Variants in RBFOX1 observed in about 807,000 individuals in gnomAD.
The protein encoded by RBFOX1 is RNA binding protein fox-1 homolog 1.
In RBFOX1, 8 loss-of-function variants were observed where a neutral mutation model predicts 57.7. That is an observed-to-expected ratio of 0.14 (90% CI 0.08 to 0.25). The LOEUF is 0.25. Among genes scored for constraint, RBFOX1 ranks in the 10% least tolerant of loss-of-function variants. The pLI is 1.00. For missense variants in RBFOX1, 611 were observed against 548.5 expected (o/e 1.11, Z -1.14); for synonymous variants, 326 against 222.4 (o/e 1.47, Z -4.15).
chr16:5,709,852 T>TA lies in RBFOX1; in HGVS notation c.318+110891_318+110892insA, dbSNP rs1567430606. On this transcript the variant is annotated intron_variant, in intron 3 of 19. Coordinates refer to the RBFOX1 transcript ENST00000641259. Reference sequence around the variant, plus strand: ...ATATATATATATATATATTTTTTTTTTTTTTTTTTTTTTTTTTTTTTTTTT... The same window carrying TA: ...ATATATATATATATATATTTTTTTTTATTTTTTTTTTTTTTTTTTTTTTTTT... Among the ~76,000 whole-genome samples, 6 of 20,712 alleles carry TA rather than the reference T, an allele frequency of 2.9e-4. 1 individual carries two copies. Among genetic ancestry groups the TA allele is most frequent in the Admixed American group, 1.8e-3 (2 of 1,086 alleles). 13.6% of individuals were successfully genotyped at this position (20,712 alleles called of 152,430 possible).
chr16:6,729,853 A>T (rs2068095517), intron 3 of RBFOX1, among the ~76,000 whole-genome samples: 1 of 152,064 alleles, frequency 6.6e-6, no homozygotes, highest in Admixed American at 6.6e-5. Flanking sequence ...GGACAAATGG[A>T]GTTTGGAAGA....
chr16:5,723,097 C>T lies in RBFOX1; in HGVS notation c.318+124136C>T, dbSNP rs571595456. 6.2e-4 allele frequency among the ~76,000 whole-genome samples: 94 copies of T among 152,296 alleles called. No individual in the cohort carries two copies. In the South Asian group the frequency reaches 0.018, roughly 29 times the overall value. ...TAATTCACAAGTGATGCAGGTTTGCCATTATCTTCCTTTTACCTCAGAGTC... is the reference window on the plus strand; with the variant it reads ...TAATTCACAAGTGATGCAGGTTTGCTATTATCTTCCTTTTACCTCAGAGTC... On this transcript the variant is annotated intron_variant, in intron 3 of 19. Coordinates refer to the RBFOX1 transcript ENST00000641259.
intron 3 of RBFOX1, among the ~76,000 whole-genome samples, chr16:5,764,873 T>C (rs1000820732): frequency 2.0e-5 from 3 of 152,220 alleles, no homozygotes; most frequent in African/African-American, 7.2e-5. Flanking sequence ...ATATGGCCTT[T>C]TATTCAGTTC....
chr16:7,397,437 C>T (rs1036207877), intron 4 of RBFOX1, among the ~76,000 whole-genome samples: 58 of 152,234 alleles, frequency 3.8e-4, no homozygotes, highest in East Asian at 3.9e-4. Flanking sequence ...TCATACTTGT[C>T]ACATAGGGGG....
intron 5 of RBFOX1, among the ~76,000 whole-genome samples, chr16:7,574,828 G>C (rs1567907746): frequency 6.6e-6 from 1 of 152,122 alleles, no homozygotes. Context: ...ATGACAGCCT[G>C]ACAGGAACAT....
rs531550405 is a variant in RBFOX1 at position 7,383,867 on chromosome 16, T to C, written c.28-134280T>C. Among the ~76,000 whole-genome samples the C allele has an allele frequency of 1.3e-4, 20 of 152,138 alleles. No individual in the cohort carries two copies. In the South Asian group the frequency reaches 3.5e-3, roughly 27 times the overall value. On this transcript the variant is annotated intron_variant, in intron 4 of 15. Coordinates refer to ENST00000550418, the MANE Select transcript of RBFOX1 (RefSeq NM_018723.4). ...GTCAGAAGATCGAGACTATCCTGGC[T>C]AACATGGTGAAATACCATCTACTAA...
intron 1 of RBFOX1, among the ~76,000 whole-genome samples, chr16:5,311,646 G>C (rs2064092008): frequency 6.6e-6 from 1 of 152,168 alleles, no homozygotes; most frequent in Non-Finnish European, 1.5e-5. Flanking sequence ...CCCTGATGAT[G>C]AGTTATGTTG....
intron 3 of RBFOX1, among the ~76,000 whole-genome samples, chr16:5,702,871 C>G (rs1263395290): frequency 6.6e-6 from 1 of 152,150 alleles, no homozygotes; most frequent in Non-Finnish European, 1.5e-5. Context: ...TATGAAAGGT[C>G]TTCTTGGTTG....
Position 7,579,766 on chromosome 16 carries a change from T to C in RBFOX1, c.271-11T>C, listed in dbSNP as rs1417244998. The C allele has an allele frequency of 1.2e-6, 2 of 1,613,904 alleles. No individual in the cohort carries two copies. The highest frequency in any genetic ancestry group is 1.3e-5 in the African/African-American group (1 of 74,908). On this transcript the variant is annotated splice_polypyrimidine_tract_variant and intron_variant, in intron 5 of 15. Coordinates refer to ENST00000550418, the MANE Select transcript of RBFOX1 (RefSeq NM_018723.4). ...ACTGAGAACCTCTTCGGTTTCTTCT[T>C]GTTCTTTTAGCAGACAGATGACGCA...
chr16:6,259,222 G>GTAACACCTGGATT (rs1445126480), intron 1 of RBFOX1, among the ~76,000 whole-genome samples: 5 of 152,092 alleles, frequency 3.3e-5, no homozygotes, highest in African/African-American at 4.8e-5. Flanking sequence ...TGTTATCCAG[G>GTAACACCTGGATT]TCACCTACTA....
chr16:6,277,627 C>T (rs550589748), intron 1 of RBFOX1, among the ~76,000 whole-genome samples: 1 of 147,736 alleles, frequency 6.8e-6, no homozygotes, highest in Non-Finnish European at 1.5e-5. Flanking sequence ...GATTGCACCA[C>T]GGCAACCCAG....
At chr16:5,648,568 C>T (rs1032349247) in intron 3 of RBFOX1, among the ~76,000 whole-genome samples, 2 of 152,072 alleles carry the variant, frequency 1.3e-5, no homozygotes, top group Non-Finnish European at 2.9e-5. Flanking sequence ...AGGGATGCTG[C>T]TCTGTGCCCT....
chr16:6,928,592 G>A (rs972528103), intron 3 of RBFOX1, among the ~76,000 whole-genome samples: 4 of 152,132 alleles, frequency 2.6e-5, no homozygotes, highest in African/African-American at 9.7e-5. Context: ...GATCAGCAAT[G>A]TGTCTTACAG....
chr16:6,914,299 C>T (rs891440014), intron 3 of RBFOX1, among the ~76,000 whole-genome samples: 5 of 152,034 alleles, frequency 3.3e-5, no homozygotes, highest in African/African-American at 1.2e-4. Flanking sequence ...AATTTCCGGG[C>T]TAGGAGGGAC....
intron 12 of RBFOX1, among the ~76,000 whole-genome samples, chr16:7,659,038 T>C (rs750057359): frequency 1.3e-5 from 2 of 152,196 alleles, no homozygotes; most frequent in South Asian, 2.1e-4. Context: ...GTTTTTATTA[T>C]TATTCTAAGC....
chr16:6,061,303 C>G (rs1013472981), intron 1 of RBFOX1, among the ~76,000 whole-genome samples: 2 of 152,138 alleles, frequency 1.3e-5, no homozygotes, highest in African/African-American at 4.8e-5. Context: ...TAAGCATGTT[C>G]ATCACTTCAG....
intron 2 of RBFOX1, among the ~76,000 whole-genome samples, chr16:6,516,063 C>G (rs1227066128): frequency 2.6e-5 from 4 of 152,070 alleles, no homozygotes; most frequent in Non-Finnish European, 5.9e-5. Context: ...ATGGTACACT[C>G]CAATCCCGGA....
chr16:5,422,318 C>CAA (rs1183072847), intron 1 of RBFOX1, among the ~76,000 whole-genome samples: 1 of 116,580 alleles, frequency 8.6e-6, no homozygotes, highest in Non-Finnish European at 1.7e-5. Flanking sequence ...GAAAATGTAG[C>CAA]AAAGGGGAAG....
At chr16:7,217,442 C>A (rs1016935713) in intron 4 of RBFOX1, among the ~76,000 whole-genome samples, 1 of 151,692 alleles carries the variant, frequency 6.6e-6, no homozygotes, top group Non-Finnish European at 1.5e-5. Flanking sequence ...AAAACTACAG[C>A]AGGATTTATG....
Sources: gnomAD v4.1 joint callset for allele counts (sites outside exome capture counted in the v4.1 genomes callset) on GRCh38, gnomAD v4.1.1 for gene constraint, MANE v1.5 for transcripts, NCBI Gene and HGNC (gene_info 2026-07-23, HGNC 2026-07-21) for gene names.